XRCC3: variants seen among roughly 807,000 people sequenced by gnomAD.
The protein encoded by XRCC3 is DNA repair protein XRCC3.
XRCC3 carries 34 observed loss-of-function variants against 29.2 expected under a neutral mutation model. That is an observed-to-expected ratio of 1.16 (90% CI 0.88 to 1.55). XRCC3 has a LOEUF of 1.55. XRCC3 is among the 40% of genes most tolerant of loss of function. The pLI is 0.00. For synonymous variants in XRCC3, 223 were observed against 211.3 expected, an observed-to-expected ratio of 1.06 and a Z score of -0.48; for missense variants, 463 against 467.6, an observed-to-expected ratio of 0.99 and a Z score of 0.09.
chr14:103,711,756 G>A (rs999129439), intron 2 of XRCC3, 189 bp from the exon 3 acceptor site: 9 of 455,086 alleles, frequency 2.0e-5, no homozygotes, highest in Non-Finnish European at 4.0e-5. Flanking sequence ...GCCCAGCAAG[G>A]GAGAAGCTCA....
intron 2 of XRCC3, chr14:103,712,356 G>T (rs1180799616): frequency 6.5e-6 from 1 of 153,838 alleles, no homozygotes; most frequent in Non-Finnish European, 1.4e-5. Context: ...AGGCAGGGCG[G>T]TGGGGCGCTG....
intron 7 of XRCC3, 58 bp downstream of exon 7, chr14:103,703,115 C>A: frequency 6.5e-7 from 1 of 1,543,262 alleles, no homozygotes; most frequent in Non-Finnish European, 8.7e-7. Context: ...GCTACACCTG[C>A]CCCAATGGTC....
chr14:103,700,873 A>G, intron 7 of XRCC3: 1 of 695,288 alleles, frequency 1.4e-6, no homozygotes, highest in African/African-American at 1.8e-5. Context: ...GGCTTGGCTC[A>G]GGGTCCCCAT....
At chr14:103,701,051 C>G in intron 7 of XRCC3, 1 of 969,260 alleles carries the variant, frequency 1.0e-6, no homozygotes, top group South Asian at 1.6e-5. Context: ...CCCATGACCC[C>G]TCGGCCCCAG....
chr14:103,708,501 G>A, intron 5 of XRCC3, 21 bp downstream of exon 5: 4 of 1,613,204 alleles, frequency 2.5e-6, no homozygotes, highest in Non-Finnish European at 3.4e-6. Flanking sequence ...ACCCCTGGCA[G>A]AGATGCCAGG....
chr14:103,700,876 G>GTCCC (rs762734415), intron 7 of XRCC3: 26 of 690,436 alleles, frequency 3.8e-5, no homozygotes, highest in Non-Finnish European at 5.4e-5. Flanking sequence ...TTGGCTCAGG[G>GTCCC]TCCCCATCCT....
intron 4 of XRCC3, 132 bp downstream of exon 4, chr14:103,710,901 C>T (rs2083604259): frequency 2.5e-6 from 2 of 799,994 alleles, no homozygotes; most frequent in Non-Finnish European, 4.2e-6. Flanking sequence ...TCCCATAGTA[C>T]ATCCCGCCCT....
intron 5 of XRCC3, chr14:103,708,235 C>G (rs2083505941): frequency 6.2e-6 from 3 of 483,940 alleles, no homozygotes; most frequent in South Asian, 6.1e-5. Context: ...TGGGTGCTGA[C>G]TGCCAAATCC....
chr14:103,701,114 T>G, intron 7 of XRCC3: 1 of 1,489,534 alleles, frequency 6.7e-7, no homozygotes, highest in Non-Finnish European at 9.2e-7. Flanking sequence ...GGGGTGGGGG[T>G]TCCCCAGAGA....
At chr14:103,703,432 C>T in intron 6 of XRCC3, 105 bp from the exon 7 acceptor site, 1 of 1,335,180 alleles carries the variant, frequency 7.5e-7, no homozygotes, top group East Asian at 2.5e-5. Flanking sequence ...CTCTCTGCCC[C>T]TCACAGGTTC....
At chr14:103,715,178 G>A (rs1333904088) in intron 1 of XRCC3, among the ~76,000 whole-genome samples, 1 of 152,060 alleles carries the variant, frequency 6.6e-6, no homozygotes, top group African/African-American at 2.4e-5. Flanking sequence ...CGCCTTCCCC[G>A]CTCCGAACGC....
chr14:103,701,191 T>G, intron 7 of XRCC3: 2 of 1,550,618 alleles, frequency 1.3e-6, no homozygotes, highest in South Asian at 2.4e-5. Context: ...CCTTCTATCT[T>G]CTCTTGCAGT....
chr14:103,699,626 A>G, intron 7 of XRCC3, 50 bp from the exon 8 acceptor site: 1 of 1,591,886 alleles, frequency 6.3e-7, no homozygotes, highest in Non-Finnish European at 8.6e-7. Flanking sequence ...TCCCCGCCCC[A>G]GGTGACCAGA....
Position 103,707,230 on chromosome 14 carries a change from T to C in XRCC3, c.194-15A>G, listed in dbSNP as rs964761422. On this transcript the variant is annotated splice_polypyrimidine_tract_variant and intron_variant, in intron 5 of 9. Coordinates refer to ENST00000555055, the MANE Select transcript of XRCC3 (RefSeq NM_005432.4). ...CAGCTGCAGTGCTAAAGGGCAGGGA[T>C]AGTGTCAGGCCTGACTCTCCTGGGC... The C allele has an allele frequency of 8.4e-6, 13 of 1,548,202 alleles. No individual in the cohort carries two copies. Among genetic ancestry groups the C allele is most frequent in the Non-Finnish European group, 1.1e-5 (13 of 1,146,612 alleles).
At position 103,698,877 on chromosome 14, in the gene XRCC3, G is replaced by C. The variant is rs756426742; in HGVS notation, c.962C>G (p.Pro321Arg). ...GGAACAGGAGGAGGGGGGCAGGTGG[G>C]GGGCAGAGAGCACCCGCAGGGTCCG... Reference protein sequence around the residue: ...PARTLRVLSAPHLPPSSCSYT... With the variant: ...PARTLRVLSARHLPPSSCSYT... Residue 321 changes from proline to arginine, a missense_variant, in exon 10 of 10, where the codon CCC becomes CGC. By Grantham distance (103) the Pro-to-Arg change is moderately radical. Transcript: ENST00000555055. The C allele has an allele frequency of 1.2e-6, 2 of 1,606,590 alleles. No individual in the cohort carries two copies. Among genetic ancestry groups the C allele is most frequent in the South Asian group, 2.2e-5 (2 of 89,802 alleles).
intron 6 of XRCC3, chr14:103,706,799 A>AC (rs2083451561): frequency 1.5e-6 from 1 of 670,282 alleles, no homozygotes; most frequent in African/African-American, 1.8e-5. Context: ...GTACCCTCCC[A>AC]CCCCTCCTGC....
chr14:103,707,849 T>C (rs2083491530), intron 5 of XRCC3: 1 of 184,792 alleles, frequency 5.4e-6, no homozygotes, highest in African/African-American at 2.4e-5. Flanking sequence ...TCCCTTGGAG[T>C]CTGCACACTG....
At chr14:103,702,845 C>T (rs963691669) in intron 7 of XRCC3, 4 of 376,528 alleles carry the variant, frequency 1.1e-5, no homozygotes, top group Non-Finnish European at 1.5e-5. Flanking sequence ...GACCCCTGCT[C>T]TCCGTATCCA....
intron 2 of XRCC3, chr14:103,712,056 C>A (rs987695721): frequency 3.2e-6 from 1 of 316,056 alleles, no homozygotes; most frequent in Non-Finnish European, 6.3e-6. Flanking sequence ...CTGGCCTGGA[C>A]ACGATCACGC....
Sources: gnomAD v4.1 joint callset for allele counts (sites outside exome capture counted in the v4.1 genomes callset) on GRCh38, gnomAD v4.1.1 for gene constraint, MANE v1.5 for transcripts, NCBI Gene and HGNC (gene_info 2026-07-23, HGNC 2026-07-21) for gene names.